Variants in MYO6 observed in about 807,000 individuals in gnomAD.
MYO6 encodes the protein unconventional myosin-VI.
MYO6 carries 74 observed loss-of-function variants against 178.7 expected under a neutral mutation model. The ratio of observed to expected loss-of-function variants is 0.41; its 90% CI spans 0.34 to 0.50. MYO6 has a LOEUF of 0.50. Among genes scored for constraint, MYO6 ranks in the 20% least tolerant of loss-of-function variants. The probability of loss-of-function intolerance (pLI) is 0.09; values close to 1 mark genes in which losing one functional copy is unlikely to be tolerated. For missense variants in MYO6, 1,330 were observed against 1,547.4 expected (o/e 0.86, Z 2.36); for synonymous variants, 477 against 504.6 (o/e 0.95, Z 0.73).
chr6:75,892,398 G>A, intron 27 of MYO6, 132 bp from the exon 28 acceptor site: 3 of 1,164,376 alleles, frequency 2.6e-6, no homozygotes, highest in Non-Finnish European at 3.9e-6. Flanking sequence ...GAAGAGATCT[G>A]TGCTTAAGCA....
At chr6:75,879,978 C>T (rs759097684) in intron 21 of MYO6, 28 bp downstream of exon 21, 2 of 1,613,906 alleles carry the variant, frequency 1.2e-6, no homozygotes, top group Non-Finnish European at 1.7e-6. Context: ...ATTGAAATTT[C>T]TTAGCTATGA....
intron 23 of MYO6, 125 bp downstream of exon 23, chr6:75,881,943 A>C (rs1405035486): frequency 8.2e-6 from 9 of 1,100,000 alleles, no homozygotes; most frequent in Non-Finnish European, 1.1e-5. Context: ...ACTGGGTCCC[A>C]GGTTCCTATT....
intron 6 of MYO6, among the ~76,000 whole-genome samples, chr6:75,835,457 A>G (rs1027878378): frequency 3.9e-5 from 6 of 151,974 alleles, no homozygotes; most frequent in Non-Finnish European, 7.4e-5. Context: ...TTTGAAACGG[A>G]GTCTCACTCT....
chr6:75,794,533 A>T (rs1264951578), intron 1 of MYO6, among the ~76,000 whole-genome samples: 1 of 152,100 alleles, frequency 6.6e-6, no homozygotes, highest in African/African-American at 2.4e-5. Context: ...TCAACCCAGA[A>T]CTCAATTATA....
At chr6:75,874,021 A>G (rs1777368409) in intron 20 of MYO6, among the ~76,000 whole-genome samples, 2 of 151,852 alleles carry the variant, frequency 1.3e-5, no homozygotes, top group Admixed American at 6.6e-5. Flanking sequence ...TTTTGATCCA[A>G]CTCAGCTTCC....
intron 1 of MYO6, among the ~76,000 whole-genome samples, chr6:75,781,015 G>A (rs920406417): frequency 7.9e-5 from 12 of 152,018 alleles, no homozygotes; most frequent in Non-Finnish European, 1.2e-4. Flanking sequence ...GTTTCACCAT[G>A]TTGGCCAGGT....
chr6:75,868,628 C>T (rs946974766), intron 18 of MYO6, among the ~76,000 whole-genome samples: 21 of 151,934 alleles, frequency 1.4e-4, no homozygotes, highest in Middle Eastern at 3.2e-3. Context: ...AAATATTTCA[C>T]GTTTTTCTCT....
chr6:75,798,055 C>G (rs919391604), intron 1 of MYO6, among the ~76,000 whole-genome samples: 2 of 152,090 alleles, frequency 1.3e-5, no homozygotes, highest in Admixed American at 1.3e-4. Context: ...AATTCTTAGC[C>G]AAGGCCAGTG....
chr6:75,859,716 G>A (rs1776034813), intron 14 of MYO6, among the ~76,000 whole-genome samples: 1 of 145,106 alleles, frequency 6.9e-6, no homozygotes, highest in Non-Finnish European at 1.5e-5. Flanking sequence ...CTGGAATGCA[G>A]TGGCGCGATC....
At chr6:75,834,404 T>A (rs72890660) in intron 6 of MYO6, among the ~76,000 whole-genome samples, 34,745 of 152,008 alleles carry the variant, frequency 0.23, 5,136 homozygotes, top group Middle Eastern at 0.39. Flanking sequence ...GGCTAATTTT[T>A]TATTTTTTTG....
At chr6:75,755,825 C>G (rs1157882322) in intron 1 of MYO6, among the ~76,000 whole-genome samples, 8 of 152,164 alleles carry the variant, frequency 5.3e-5, no homozygotes, top group African/African-American at 1.7e-4. Context: ...AGCCCCTGTA[C>G]TGACATTTTA....
intron 23 of MYO6, among the ~76,000 whole-genome samples, chr6:75,884,437 C>T (rs1778272555): frequency 1.3e-5 from 2 of 152,164 alleles, no homozygotes; most frequent in Admixed American, 6.5e-5. Flanking sequence ...AGCAGTGTAG[C>T]ATACTAAGGA....
chr6:75,845,704 G>A (rs1774667355), intron 10 of MYO6, among the ~76,000 whole-genome samples: 1 of 151,666 alleles, frequency 6.6e-6, no homozygotes, highest in South Asian at 2.1e-4. Context: ...AAAAAAGCTG[G>A]TCAGGTGGAG....
chr6:75,813,728 C>T (rs76991011), intron 1 of MYO6, among the ~76,000 whole-genome samples: 209 of 152,302 alleles, frequency 1.4e-3, no homozygotes, highest in African/African-American at 4.8e-3. Flanking sequence ...TGTTCAGGCC[C>T]CAGGGGCTCT....
At chr6:75,907,745 C>A in intron 31 of MYO6, 37 bp downstream of exon 31, 1 of 1,511,470 alleles carries the variant, frequency 6.6e-7, no homozygotes, top group South Asian at 1.1e-5. Context: ...AGAAAATGTT[C>A]ATAGTGATAG....
chr6:75,760,327 G>C (rs993578416), intron 1 of MYO6, among the ~76,000 whole-genome samples: 9 of 152,096 alleles, frequency 5.9e-5, no homozygotes, highest in Admixed American at 1.3e-4. Context: ...TAAAGAAAAG[G>C]ATTTCTCTTC....
At chr6:75,914,019 T>G (rs764566532) in intron 33 of MYO6, 44 bp from the exon 34 acceptor site, 1 of 1,587,972 alleles carries the variant, frequency 6.3e-7, no homozygotes. Flanking sequence ...CTCTTTTCTT[T>G]TCCCTTGAGC....
chr6:75,789,969 A>G (rs1165484739), intron 1 of MYO6, among the ~76,000 whole-genome samples: 1 of 152,194 alleles, frequency 6.6e-6, no homozygotes, highest in Admixed American at 6.5e-5. Flanking sequence ...GATTCCGTGT[A>G]TGAGTGAGTT....
In MYO6 at chr6:75,866,615, T is replaced by C. The variant is rs752779540; in HGVS notation, c.1764T>C (p.Tyr588=). 2 of 1,612,758 alleles carry C rather than the reference T, an allele frequency of 1.2e-6. No individual in the cohort carries two copies. Among genetic ancestry groups the C allele is most frequent in the South Asian group, 1.1e-5 (1 of 91,046 alleles). The change falls in exon 17 of 35, where the codon TAT becomes TAC. Residue 588 remains tyrosine (Y), a synonymous_variant. Coordinates refer to ENST00000369977, the MANE Select transcript of MYO6 (RefSeq NM_004999.4). ...GGCATTTTGCGGGGGCAGTGTGCTA[T>C]GAAACAGTGAGTATAACTTTTACAA... ...IIRHFAGAVC[Y]ETTQFVEKNN...
Sources: allele counts gnomAD v4.1 joint callset (sites outside exome capture counted in the v4.1 genomes callset), GRCh38; gene constraint gnomAD v4.1.1; transcripts MANE v1.5; gene names NCBI Gene and HGNC (gene_info 2026-07-23, HGNC 2026-07-21).